CAMK4: variants seen among roughly 807,000 people sequenced by gnomAD.
CAMK4 encodes calcium/calmodulin-dependent protein kinase type IV.
Under a neutral mutation model 44.9 loss-of-function variants are expected in CAMK4, and 22 were observed. The observed-to-expected ratio is 0.49, with a 90% CI of 0.35 to 0.70. The LOEUF is 0.70. Among genes scored for constraint, CAMK4 ranks in the 30% least tolerant of loss-of-function variants. The pLI is 0.01. For synonymous variants in CAMK4, 218 were observed against 215.4 expected, an observed-to-expected ratio of 1.01 and a Z score of -0.11; for missense variants, 498 against 586.8, an observed-to-expected ratio of 0.85 and a Z score of 1.56.
At chr5:111,339,078 A>G (rs1285677114) in intron 1 of CAMK4, among the ~76,000 whole-genome samples, 1 of 151,026 alleles carries the variant, frequency 6.6e-6, no homozygotes, top group African/African-American at 2.4e-5. Flanking sequence ...TGAGTTACTT[A>G]GTTTTTTACT....
At chr5:111,355,670 A>C (rs1750315299) in intron 2 of CAMK4, among the ~76,000 whole-genome samples, 1 of 111,024 alleles carries the variant, frequency 9.0e-6, no homozygotes, top group African/African-American at 3.0e-5. Context: ...ACCCCACAAC[A>C]GTCCCCAGAG....
At chr5:111,387,366 A>G (rs1394458703) in intron 4 of CAMK4, among the ~76,000 whole-genome samples, 19 of 152,180 alleles carry the variant, frequency 1.2e-4, no homozygotes, top group Admixed American at 1.2e-3. Context: ...ATTACGTGTC[A>G]CCTCATGAAA....
At chr5:111,308,112 A>AG (rs1168955774) in intron 1 of CAMK4, among the ~76,000 whole-genome samples, 1 of 107,900 alleles carries the variant, frequency 9.3e-6, no homozygotes, top group Non-Finnish European at 1.8e-5. Flanking sequence ...GGGTCGGGGG[A>AG]GGGGGGAGGG....
chr5:111,347,921 G>A (rs957508916), intron 2 of CAMK4, among the ~76,000 whole-genome samples: 28 of 152,074 alleles, frequency 1.8e-4, no homozygotes, highest in Admixed American at 9.2e-4. Context: ...TTGAAGATGA[G>A]TGAAACATAT....
chr5:111,469,099 G>A (rs1286770213), intron 7 of CAMK4, among the ~76,000 whole-genome samples: 6 of 132,334 alleles, frequency 4.5e-5, no homozygotes, highest in South Asian at 2.5e-4. Context: ...AGCAGAGATC[G>A]TGCCATTGGG....
At chr5:111,428,904 A>G (rs1047353680) in intron 5 of CAMK4, among the ~76,000 whole-genome samples, 3 of 152,216 alleles carry the variant, frequency 2.0e-5, no homozygotes, top group Non-Finnish European at 2.9e-5. Flanking sequence ...AAGGTATTTA[A>G]TATTCAAACT....
intron 6 of CAMK4, among the ~76,000 whole-genome samples, chr5:111,448,102 T>C (rs1325690771): frequency 6.6e-6 from 1 of 152,236 alleles, no homozygotes; most frequent in Non-Finnish European, 1.5e-5. Context: ...CCTGCCTCTC[T>C]TGAAGAATGC....
At chr5:111,465,495 A>G (rs890891914) in intron 7 of CAMK4, among the ~76,000 whole-genome samples, 4 of 152,156 alleles carry the variant, frequency 2.6e-5, no homozygotes, top group Admixed American at 1.3e-4. Flanking sequence ...AGATCCAAAT[A>G]AGCTCAATTG....
chr5:111,405,332 G>A (rs1053934494), intron 5 of CAMK4, among the ~76,000 whole-genome samples: 7 of 152,168 alleles, frequency 4.6e-5, no homozygotes, highest in African/African-American at 1.7e-4. Flanking sequence ...GCTGGGCATG[G>A]TGGTGTGCGC....
chr5:111,379,929 TTTTGGAATAAAATCCATGA>T (rs1751351907), intron 4 of CAMK4, among the ~76,000 whole-genome samples: 2 of 152,162 alleles, frequency 1.3e-5, no homozygotes, highest in South Asian at 4.1e-4. Flanking sequence ...TTATTAGAAA[TTTTGGAATAAAATCCATGA>T]TTTGTTGTGC....
chr5:111,298,891 G>A (rs1747603668), intron 1 of CAMK4, among the ~76,000 whole-genome samples: 1 of 152,252 alleles, frequency 6.6e-6, no homozygotes, highest in Non-Finnish European at 1.5e-5. Context: ...TAACAGCCCT[G>A]CAGGGGATCT....
intron 2 of CAMK4, among the ~76,000 whole-genome samples, chr5:111,346,388 C>G (rs1387895092): frequency 6.6e-6 from 1 of 151,584 alleles, no homozygotes; most frequent in African/African-American, 2.4e-5. Context: ...TTATGTGGTC[C>G]AACTAACAAC....
intron 4 of CAMK4, among the ~76,000 whole-genome samples, chr5:111,384,106 A>G (rs1431235632): frequency 6.6e-6 from 1 of 152,156 alleles, no homozygotes; most frequent in African/African-American, 2.4e-5. Context: ...TAACTGGTAA[A>G]GAATGGAATA....
At chr5:111,430,718 A>G (rs893286770) in intron 5 of CAMK4, among the ~76,000 whole-genome samples, 1 of 152,214 alleles carries the variant, frequency 6.6e-6, no homozygotes, top group Non-Finnish European at 1.5e-5. Context: ...AGCCACAAAT[A>G]AAATGACATA....
intron 1 of CAMK4, among the ~76,000 whole-genome samples, chr5:111,228,687 T>G (rs2112490130): frequency 6.6e-6 from 1 of 152,346 alleles, no homozygotes; most frequent in East Asian, 1.9e-4. Flanking sequence ...CACATCCCAC[T>G]AATGTGTTGT....
At chr5:111,412,900 A>G (rs915130492) in intron 5 of CAMK4, among the ~76,000 whole-genome samples, 1 of 152,198 alleles carries the variant, frequency 6.6e-6, no homozygotes, top group African/African-American at 2.4e-5. Context: ...CTTAATTTAT[A>G]TGTAATTAAA....
rs567788937 is a variant in CAMK4 at position 111,438,099 on chromosome 5, A to G, written c.460-8587A>G. ...GTAGATGGCGAGGGAGAGAAAGTCAATTTTTGACTTGAACACTTAAGTTGA... is the reference window on the plus strand; with the variant it reads ...GTAGATGGCGAGGGAGAGAAAGTCAGTTTTTGACTTGAACACTTAAGTTGA... On this transcript the variant is annotated intron_variant, in intron 5 of 10. Transcript: ENST00000282356. 3.3e-5 allele frequency among the ~76,000 whole-genome samples: 5 copies of G among 152,312 alleles called. No individual in the cohort carries two copies. The South Asian group carries it at 6.2e-4, about 19-fold the overall frequency.
At chr5:111,247,860 C>A (rs187682710) in intron 1 of CAMK4, among the ~76,000 whole-genome samples, 49 of 152,222 alleles carry the variant, frequency 3.2e-4, no homozygotes, top group Non-Finnish European at 6.3e-4. Flanking sequence ...ACACATAAAA[C>A]TATCACAGAT....
At chr5:111,236,650 C>T (rs1748741220) in intron 1 of CAMK4, among the ~76,000 whole-genome samples, 2 of 152,230 alleles carry the variant, frequency 1.3e-5, no homozygotes, top group South Asian at 4.1e-4. Context: ...ATGTGCCTCT[C>T]CTATGAATCC....
Sources: gnomAD v4.1 joint callset for allele counts (sites outside exome capture counted in the v4.1 genomes callset) on GRCh38, gnomAD v4.1.1 for gene constraint, MANE v1.5 for transcripts, NCBI Gene and HGNC (gene_info 2026-07-23, HGNC 2026-07-21) for gene names.